CTNND2: variants seen among roughly 807,000 people sequenced by gnomAD.
CTNND2 encodes the protein catenin delta-2.
A neutral mutation model predicts 144.4 loss-of-function variants in CTNND2; 22 were observed. The ratio of observed to expected loss-of-function variants is 0.15; its 90% confidence interval spans 0.11 to 0.22. CTNND2 has a LOEUF of 0.22. CTNND2 is among the 10% of genes least tolerant of loss of function. CTNND2 has a pLI of 1.00. For missense variants in CTNND2, 1,353 were observed against 1,618.8 expected (o/e 0.84, Z 2.82); for synonymous variants, 751 against 695.6 (o/e 1.08, Z -1.25).
chr5:11,755,467 C>G (rs112528548), intron 1 of CTNND2, among the ~76,000 whole-genome samples: 1 of 151,552 alleles, frequency 6.6e-6, no homozygotes, highest in African/African-American at 2.4e-5. Flanking sequence ...TCTGCATTTC[C>G]TGAATTTGAA....
At chr5:11,470,382 G>A (rs902427324) in intron 3 of CTNND2, among the ~76,000 whole-genome samples, 3 of 152,070 alleles carry the variant, frequency 2.0e-5, no homozygotes, top group Non-Finnish European at 2.9e-5. Flanking sequence ...TTGGTGAGCC[G>A]AGATTGTGCC....
chr5:11,175,191 T>A (rs528975746), intron 11 of CTNND2, among the ~76,000 whole-genome samples: 1 of 152,278 alleles, frequency 6.6e-6, no homozygotes, highest in South Asian at 2.1e-4. Flanking sequence ...CATTTTATAT[T>A]ATAATTAATC....
chr5:11,347,901 G>A (rs61750700), intron 8 of CTNND2, among the ~76,000 whole-genome samples: 32 of 152,190 alleles, frequency 2.1e-4, no homozygotes, highest in Admixed American at 9.2e-4. Context: ...AAATTGTGTC[G>A]AAATGATGAA....
intron 1 of CTNND2, among the ~76,000 whole-genome samples, chr5:11,856,103 T>C (rs988062785): frequency 1.1e-4 from 16 of 152,184 alleles, no homozygotes; most frequent in African/African-American, 3.6e-4. Context: ...TAAGCCACCA[T>C]GCCATAAACT....
chr5:11,083,801 C>T, intron 15 of CTNND2: 3 of 734,558 alleles, frequency 4.1e-6, no homozygotes, highest in Non-Finnish European at 5.2e-6. Context: ...GGGACCAGTC[C>T]TTTCCCACCC....
At chr5:11,123,060 A>C (rs1368188810) in intron 12 of CTNND2, among the ~76,000 whole-genome samples, 2 of 151,890 alleles carry the variant, frequency 1.3e-5, no homozygotes, top group Non-Finnish European at 2.9e-5. Flanking sequence ...GAAGCCATCA[A>C]CTCTGACAGT....
intron 2 of CTNND2, among the ~76,000 whole-genome samples, chr5:11,640,253 T>C (rs1581650249): frequency 6.6e-6 from 1 of 152,252 alleles, no homozygotes; most frequent in African/African-American, 2.4e-5. Context: ...AGTAATTCAA[T>C]GTCAATGGTG....
intron 9 of CTNND2, among the ~76,000 whole-genome samples, chr5:11,316,509 A>T (rs1751512768): frequency 7.3e-6 from 1 of 137,388 alleles, no homozygotes; most frequent in Non-Finnish European, 1.6e-5. Flanking sequence ...TTATTATTAT[A>T]CTTTAAGTTT....
chr5:11,727,779 TG>T (rs1053323038), intron 2 of CTNND2, among the ~76,000 whole-genome samples: 8 of 152,222 alleles, frequency 5.3e-5, no homozygotes, highest in Non-Finnish European at 2.9e-5. Context: ...TTTCATAAAA[TG>T]CTTTCCCAAA....
At chr5:11,857,100 G>C (rs1038380105) in intron 1 of CTNND2, among the ~76,000 whole-genome samples, 1 of 152,062 alleles carries the variant, frequency 6.6e-6, no homozygotes, top group Admixed American at 6.5e-5. Context: ...CTGACATCAG[G>C]ATTAGATTCC....
At chr5:11,502,509 A>T (rs191001571) in intron 3 of CTNND2, among the ~76,000 whole-genome samples, 2 of 152,342 alleles carry the variant, frequency 1.3e-5, no homozygotes, top group East Asian at 3.9e-4. Flanking sequence ...TAAATAAAAA[A>T]TATGATACTT....
intron 2 of CTNND2, among the ~76,000 whole-genome samples, chr5:11,642,231 G>A (rs1341040255): frequency 1.3e-5 from 2 of 152,238 alleles, no homozygotes; most frequent in South Asian, 2.1e-4. Context: ...AAACGTATCC[G>A]TAATGAAAAC....
chr5:11,067,662 C>A (rs1298829030), intron 16 of CTNND2, among the ~76,000 whole-genome samples: 1 of 152,198 alleles, frequency 6.6e-6, no homozygotes, highest in Non-Finnish European at 1.5e-5. Context: ...GGAAACCCTG[C>A]CCTCATTGAA....
chr5:11,545,923 A>G (rs1001858913), intron 3 of CTNND2, among the ~76,000 whole-genome samples: 1 of 152,198 alleles, frequency 6.6e-6, no homozygotes, highest in Non-Finnish European at 1.5e-5. Context: ...CTCCATATAT[A>G]TCTATACATA....
intron 3 of CTNND2, among the ~76,000 whole-genome samples, chr5:11,464,811 G>C (rs2149941518): frequency 6.6e-6 from 1 of 152,274 alleles, no homozygotes; most frequent in South Asian, 2.1e-4. Context: ...GATAAAAGGA[G>C]TTAAGCTTGG....
intron 2 of CTNND2, among the ~76,000 whole-genome samples, chr5:11,574,969 G>C (rs1186691621): frequency 6.6e-6 from 1 of 151,990 alleles, no homozygotes; most frequent in Non-Finnish European, 1.5e-5. Flanking sequence ...TCCTTTCCTT[G>C]TTCCTCAAGT....
chr5:11,700,523 G>A (rs141180753), intron 2 of CTNND2, among the ~76,000 whole-genome samples: 3 of 152,130 alleles, frequency 2.0e-5, no homozygotes, highest in African/African-American at 4.8e-5. Flanking sequence ...TGTATTCAGC[G>A]TGCTGGGGGA....
At chr5:11,735,776 T>C (rs964153527) in intron 1 of CTNND2, among the ~76,000 whole-genome samples, 1 of 152,176 alleles carries the variant, frequency 6.6e-6, no homozygotes, top group African/African-American at 2.4e-5. Flanking sequence ...CCTTCTGCCA[T>C]GATTGTGAGG....
At chr5:11,426,481 A>G (rs1356859958) in intron 3 of CTNND2, among the ~76,000 whole-genome samples, 1 of 152,174 alleles carries the variant, frequency 6.6e-6, no homozygotes, top group East Asian at 1.9e-4. Flanking sequence ...TGCGAGTGAA[A>G]TCTGACAGGT....
Sources: gnomAD v4.1 joint callset for allele counts (sites outside exome capture counted in the v4.1 genomes callset) on GRCh38, gnomAD v4.1.1 for gene constraint, MANE v1.5 for transcripts, NCBI Gene and HGNC (gene_info 2026-07-23, HGNC 2026-07-21) for gene names.